Variants in PSD3 observed in about 807,000 individuals in gnomAD.
The protein encoded by PSD3 is pleckstrin and Sec7 domain containing 3, also known as PH and SEC7 domain-containing protein 3.
Under a neutral mutation model 105.5 loss-of-function variants are expected in PSD3, and 49 were observed. That is an observed-to-expected ratio of 0.46 (90% CI 0.37 to 0.59). The LOEUF is 0.59. Ranked by LOEUF, PSD3 falls within the 20% of genes least tolerant of loss-of-function variation. The pLI is 0.00. For missense variants in PSD3, 1,561 were observed against 1,263.8 expected (o/e 1.24, Z -3.57); for synonymous variants, 557 against 457.8 (o/e 1.22, Z -2.77).
chr8:19,049,147 G>A (rs374421649), intron 1 of PSD3, among the ~76,000 whole-genome samples: 35 of 152,108 alleles, frequency 2.3e-4, no homozygotes, highest in African/African-American at 8.4e-4. Context: ...AGGCCCTATC[G>A]CCAAATACAG....
chr8:18,658,166 C>T (rs1485962160), intron 9 of PSD3, among the ~76,000 whole-genome samples: 1 of 152,164 alleles, frequency 6.6e-6, no homozygotes, highest in Non-Finnish European at 1.5e-5. Context: ...TTGTAGCATG[C>T]CGAATCCAGA....
chr8:18,647,659 T>C (rs1242005021), intron 10 of PSD3, among the ~76,000 whole-genome samples: 1 of 151,986 alleles, frequency 6.6e-6, no homozygotes, highest in Admixed American at 6.6e-5. Flanking sequence ...CATGATTTTT[T>C]TTTTTTTTTA....
chr8:18,825,349 G>C (rs1478309243), intron 4 of PSD3, among the ~76,000 whole-genome samples: 1 of 152,194 alleles, frequency 6.6e-6, no homozygotes. Flanking sequence ...TGGGAAGCTT[G>C]TTAAAAACAC....
In PSD3 at chr8:18,882,421, C is replaced by A. The variant is rs971223821; in HGVS notation, c.131-9688G>T. 2.6e-5 allele frequency among the ~76,000 whole-genome samples: 4 copies of A among 152,218 alleles called. No individual in the cohort carries two copies. In the East Asian group the frequency reaches 5.8e-4, roughly 22 times the overall value. On this transcript the variant is annotated intron_variant, in intron 2 of 15. Coordinates refer to ENST00000327040, the MANE Select transcript of PSD3 (RefSeq NM_015310.4). ...TTACTCAGCCAACATTTCTTGTGGACCATGAATGCATCAAGCAGCAGAGAA... is the reference window on the plus strand; with the variant it reads ...TTACTCAGCCAACATTTCTTGTGGAACATGAATGCATCAAGCAGCAGAGAA...
rs376989905 is a variant in PSD3, at chr8:18,632,726, C to T, written c.2297G>A (p.Arg766His). ...ANGTHPKTISRIGSTTNPFLD... is the reference protein window; with the variant it reads ...ANGTHPKTISHIGSTTNPFLD... ...AAATGGGTTAGTAGTACTTCCAATACGACTGATGGTCTTTGGATGTGTTCC... is the reference window on the plus strand; with the variant it reads ...AAATGGGTTAGTAGTACTTCCAATATGACTGATGGTCTTTGGATGTGTTCC... The change falls in exon 11 of 16, where the codon CGT becomes CAT. Residue 766 changes from arginine (R) to histidine (H), a missense_variant. By Grantham distance (29) the Arg-to-His change is conservative (BLOSUM62 0). Coordinates refer to ENST00000327040, the MANE Select transcript of PSD3 (RefSeq NM_015310.4). 81 of 1,607,776 alleles carry T rather than the reference C, an allele frequency of 5.0e-5. No individual in the cohort carries two copies. Among genetic ancestry groups the T allele is most frequent in the South Asian group, 1.6e-4 (15 of 90,938 alleles).
At chr8:18,975,907 C>T (rs193296681) in intron 1 of PSD3, among the ~76,000 whole-genome samples, 2 of 152,200 alleles carry the variant, frequency 1.3e-5, no homozygotes, top group Admixed American at 1.3e-4. Context: ...CCCTGACATA[C>T]CCTGATGGTC....
chr8:18,748,379 G>C (rs1805194201), intron 9 of PSD3, among the ~76,000 whole-genome samples: 1 of 152,170 alleles, frequency 6.6e-6, no homozygotes, highest in Non-Finnish European at 1.5e-5. Context: ...GATTTTTCCA[G>C]GCTGGGCGCG....
chr8:18,702,391 T>C (rs757499642), intron 9 of PSD3, among the ~76,000 whole-genome samples: 5 of 152,202 alleles, frequency 3.3e-5, no homozygotes, highest in Admixed American at 6.5e-5. Flanking sequence ...AGCACATCTT[T>C]GGTAGCACAT....
At chr8:18,949,741 A>G (rs1823122185) in intron 1 of PSD3, among the ~76,000 whole-genome samples, 1 of 151,226 alleles carries the variant, frequency 6.6e-6, no homozygotes, top group African/African-American at 2.5e-5. Context: ...CATCTACAAA[A>G]CACATGTCTG....
intron 2 of PSD3, among the ~76,000 whole-genome samples, chr8:18,917,837 C>A (rs1296508833): frequency 6.6e-6 from 1 of 152,158 alleles, no homozygotes; most frequent in East Asian, 1.9e-4. Flanking sequence ...AACCAACATA[C>A]AAGCTGTGAA....
chr8:18,930,573 T>TC (rs1281588652), intron 2 of PSD3, among the ~76,000 whole-genome samples: 1 of 118,912 alleles, frequency 8.4e-6, no homozygotes, highest in Non-Finnish European at 2.1e-5. Context: ...TTTTCAATTT[T>TC]TTTTTTTTTT....
intron 1 of PSD3, among the ~76,000 whole-genome samples, chr8:19,057,227 C>A (rs1009924856): frequency 2.6e-5 from 4 of 152,152 alleles, no homozygotes; most frequent in African/African-American, 7.2e-5. Flanking sequence ...CAAATTTGAA[C>A]AAGAAATTTC....
At chr8:18,762,865 A>C in intron 9 of PSD3, 1 of 1,177,998 alleles carries the variant, frequency 8.5e-7, no homozygotes, top group Non-Finnish European at 1.1e-6. Flanking sequence ...TCAGAAAACA[A>C]CTACAACAAC....
intron 1 of PSD3, among the ~76,000 whole-genome samples, chr8:19,039,126 G>A (rs1160653769): frequency 5.9e-5 from 9 of 152,062 alleles, no homozygotes; most frequent in Admixed American, 5.2e-4. Context: ...TTCCTCGACG[G>A]ACCTTTTTTC....
intron 2 of PSD3, 108 bp downstream of exon 2, chr8:18,935,926 C>G (rs1321156815): frequency 1.6e-6 from 1 of 632,376 alleles, no homozygotes; most frequent in East Asian, 2.6e-5. Context: ...TTAGGGAAAG[C>G]AGGTTTCACA....
rs982418603 is a variant in PSD3 at position 18,632,690 on chromosome 8, G to A, written c.2333C>T (p.Pro778Leu). 16 of 1,612,588 alleles carry A rather than the reference G, an allele frequency of 9.9e-6. No individual in the cohort carries two copies. The highest frequency in any genetic ancestry group is 1.4e-5 in the Non-Finnish European group (16 of 1,179,114). Residue 778 changes from proline (P) to leucine (L), a missense_variant, in exon 11 of 16, where the codon CCT becomes CTT. By Grantham distance (98) the Pro-to-Leu change is moderately conservative. Coordinates refer to ENST00000327040, the MANE Select transcript of PSD3 (RefSeq NM_015310.4). ...GSTTNPFLDI[P>L]HDPNAAVYKS... ...GTACACAGCAGCATTTGGATCATGA[G>A]GAATGTCCAAAAATGGGTTAGTAGT...
intron 1 of PSD3, among the ~76,000 whole-genome samples, chr8:18,992,814 T>C (rs79634868): frequency 2.0e-5 from 3 of 151,622 alleles, no homozygotes; most frequent in Non-Finnish European, 2.9e-5. Context: ...TTCATTTTCT[T>C]TCTGTTTCCT....
At chr8:19,030,840 C>G (rs1827741447) in intron 1 of PSD3, among the ~76,000 whole-genome samples, 1 of 152,166 alleles carries the variant, frequency 6.6e-6, no homozygotes, top group Non-Finnish European at 1.5e-5. Flanking sequence ...TGAGAGCGAT[C>G]CTAATTTTGG....
At chr8:18,826,079 G>C (rs577468238) in intron 4 of PSD3, among the ~76,000 whole-genome samples, 2 of 152,120 alleles carry the variant, frequency 1.3e-5, no homozygotes, top group South Asian at 2.1e-4. Context: ...TGAATAAAAG[G>C]GTAGACAAAG....
Sources: allele counts gnomAD v4.1 joint callset (sites outside exome capture counted in the v4.1 genomes callset), GRCh38; gene constraint gnomAD v4.1.1; transcripts MANE v1.5; gene names NCBI Gene and HGNC (gene_info 2026-07-23, HGNC 2026-07-21).